Variants in TMEM184B observed in about 807,000 individuals in gnomAD.
The protein encoded by TMEM184B is putative MAPK-activating protein FM08.
In TMEM184B, 17 loss-of-function variants were observed where a neutral mutation model predicts 41.8. The observed-to-expected ratio is 0.41, with a 90% CI of 0.28 to 0.61. The LOEUF is 0.61. Among genes scored for constraint, TMEM184B ranks in the 20% least tolerant of loss-of-function variants. The probability of loss-of-function intolerance (pLI) is 0.34; values close to 1 mark genes in which losing one functional copy is unlikely to be tolerated. For synonymous variants in TMEM184B, 240 were observed against 229.5 expected (o/e 1.05, Z -0.41); for missense variants, 393 against 557.8 (o/e 0.70, Z 2.98).
chr22:38,267,417 T>C (rs1371545684), intron 1 of TMEM184B, among the ~76,000 whole-genome samples: 1 of 150,126 alleles, frequency 6.7e-6, no homozygotes. Context: ...CCAATCCTGT[T>C]CCAACCACCC....
chr22:38,230,662 C>A lies in TMEM184B; in HGVS notation c.525+7G>T. ...TCCTGAGCTAGGCAGCTGCTGGGGG[C>A]ACACACCTGTTTGCAGAACCTCAGA... is the stretch of plus-strand genomic sequence containing the variant. On this transcript the variant is annotated splice_region_variant and intron_variant, in intron 5 of 8. Transcript: ENST00000361906. 1 of 1,608,244 alleles carries A rather than the reference C, an allele frequency of 6.2e-7. No homozygotes were observed.
chr22:38,265,145 C>T (rs1319457611), intron 1 of TMEM184B, among the ~76,000 whole-genome samples: 1 of 152,162 alleles, frequency 6.6e-6, no homozygotes, highest in Admixed American at 6.5e-5. Context: ...GTCACGAGAC[C>T]TCTGCTCCTT....
At chr22:38,247,679 T>G (rs2092065957) in intron 2 of TMEM184B, 91 bp downstream of exon 2, 2 of 1,457,546 alleles carry the variant, frequency 1.4e-6, no homozygotes, top group East Asian at 2.4e-5. Flanking sequence ...ACTACTGCAG[T>G]GCAGCCTGGC....
chr22:38,227,340 G>A (rs573078503), intron 5 of TMEM184B, among the ~76,000 whole-genome samples: 1 of 152,246 alleles, frequency 6.6e-6, no homozygotes, highest in South Asian at 2.1e-4. Context: ...CCAAGGCCCC[G>A]AGGCAGAGGG....
chr22:38,237,479 C>T (rs1265883861), intron 3 of TMEM184B, among the ~76,000 whole-genome samples: 1 of 152,270 alleles, frequency 6.6e-6, no homozygotes, highest in Non-Finnish European at 1.5e-5. Flanking sequence ...TGCACACCTT[C>T]AGCGCCTAAA....
rs2091862044 is a variant in TMEM184B, at chr22:38,239,734, C to G, written c.358+6201G>C. Among the ~76,000 whole-genome samples, 1 of 152,158 alleles carries G rather than the reference C, an allele frequency of 6.6e-6. No individual in the cohort carries two copies. The highest frequency in any genetic ancestry group is 1.5e-5 in the Non-Finnish European group (1 of 68,036). ...AAAATCCAAAGACTAAGCCTGAATA[C>G]GAAGGGCGAGAGGTCCTCTCAGATC... On this transcript the variant is annotated intron_variant, in intron 3 of 8. Coordinates refer to ENST00000361906, the MANE Select transcript of TMEM184B (RefSeq NM_012264.5). This position sits in a 1 kb window ranked among gnomAD's most constrained non-coding sequence, Gnocchi z 4.6.
Position 38,220,403 on chromosome 22 carries a change from G to A in TMEM184B, c.*1066C>T, listed in dbSNP as rs955978526. ...CTAAGGCACAGAAGAGATGGGCCAG[G>A]GGCCAGATGGGGTAGAACACCAGGC... is the stretch of plus-strand genomic sequence containing the variant. On this transcript the variant is annotated 3_prime_UTR_variant, in exon 9 of 9. Transcript: ENST00000361906. 1.0e-6 allele frequency: 1 copy of A among 985,882 alleles called. No homozygotes were observed. The highest frequency in any genetic ancestry group is 1.2e-6 in the Non-Finnish European group (1 of 830,046). The allele number at this position is 985,882 out of a possible 1,614,324, so 61.1% of individuals were successfully genotyped here.
At position 38,247,921 on chromosome 22, in the gene TMEM184B, G is replaced by A. The variant is rs751230696; in HGVS notation, c.41C>T (p.Ser14Leu). 23 of 1,600,144 alleles carry A rather than the reference G, an allele frequency of 1.4e-5. No homozygotes were observed. The Admixed American group carries it at 2.1e-4, about 14-fold the overall frequency. ...GGGCGAGGCTGCTGCGGTCGTGGGC[G>A]ACGCTGGATCCGGGGCCAGCACATC... ...RGDVLAPDPASPTTAAASPSV... is the reference protein window; with the variant it reads ...RGDVLAPDPALPTTAAASPSV... Residue 14 changes from serine to leucine, a missense_variant, in exon 2 of 9, where the codon TCG (serine) becomes TTG (leucine). Ser to Leu is a moderately radical substitution (Grantham distance 145, BLOSUM62 -2). Coordinates refer to ENST00000361906, the MANE Select transcript of TMEM184B (RefSeq NM_012264.5).
chr22:38,260,021 G>A (rs969220775), intron 1 of TMEM184B, among the ~76,000 whole-genome samples: 1 of 142,754 alleles, frequency 7.0e-6, no homozygotes, highest in Non-Finnish European at 1.5e-5. Flanking sequence ...TTGGCTCACT[G>A]CAACCTCCGC....
chr22:38,238,294 C>T (rs143899906), intron 3 of TMEM184B, among the ~76,000 whole-genome samples: 2,263 of 147,656 alleles, frequency 0.015, 66 homozygotes, highest in African/African-American at 0.053. Flanking sequence ...GGTGCGATCT[C>T]GGCTCACTGC....
At position 38,230,641 on chromosome 22, in the gene TMEM184B, GA is replaced by G. The variant is rs1309922289; in HGVS notation, c.525+27del. Reference sequence around the variant, plus strand: ...TCCCAGACCCCGCCCTGCTCCTCCTGAGCTAGGCAGCTGCTGGGGGCACACA... The same window carrying G: ...TCCCAGACCCCGCCCTGCTCCTCCTGGCTAGGCAGCTGCTGGGGGCACACA... On this transcript the variant is annotated intron_variant, in intron 5 of 8. Coordinates refer to ENST00000361906, the MANE Select transcript of TMEM184B (RefSeq NM_012264.5). 5 of 1,598,296 alleles carry G rather than the reference GA, an allele frequency of 3.1e-6. No individual in the cohort carries two copies. In the African/African-American group the frequency reaches 5.3e-5, roughly 17 times the overall value.
rs575423645 is a variant in TMEM184B, at chr22:38,226,956, C to T, written c.526-86G>A. The T allele has an allele frequency of 1.4e-4, 189 of 1,342,542 alleles. 4 individuals carry two copies. The African/African-American group carries it at 2.0e-3, about 14-fold the overall frequency. 83.2% of individuals were successfully genotyped at this position (1,342,542 alleles called of 1,614,324 possible). On this transcript the variant is annotated intron_variant, in intron 5 of 8. Coordinates refer to ENST00000361906, the MANE Select transcript of TMEM184B (RefSeq NM_012264.5). This position sits in a 1 kb window ranked among gnomAD's most constrained non-coding sequence, Gnocchi z 4.6. ...CTGCCTCTGGCAGACGGAACTGTAC[C>T]GGATGGAGGGACAGAGAGGATGAAG... is the stretch of plus-strand genomic sequence containing the variant.
At chr22:38,246,676 A>G (rs904293587) in intron 2 of TMEM184B, 8 of 614,636 alleles carry the variant, frequency 1.3e-5, no homozygotes, top group Admixed American at 4.7e-5. Flanking sequence ...TCTGGTAAAC[A>G]GAGGCAGCAC....
intron 1 of TMEM184B, among the ~76,000 whole-genome samples, chr22:38,271,503 C>T (rs539752237): frequency 3.3e-5 from 5 of 152,312 alleles, no homozygotes; most frequent in Non-Finnish European, 7.4e-5. Context: ...GCAGAAAAGC[C>T]TCAGATGAAC....
intron 1 of TMEM184B, among the ~76,000 whole-genome samples, chr22:38,263,717 G>T (rs1341842266): frequency 6.6e-6 from 1 of 152,194 alleles, no homozygotes; most frequent in Non-Finnish European, 1.5e-5. Flanking sequence ...CTGTAATTTT[G>T]GAAAATATTG....
Position 38,226,714 on chromosome 22 carries a change from T to A in TMEM184B, c.617+65A>T, listed in dbSNP as rs1602372964. On this transcript the variant is annotated intron_variant, in intron 6 of 8. Coordinates refer to ENST00000361906, the MANE Select transcript of TMEM184B (RefSeq NM_012264.5). The surrounding 1 kb of genome is among the most constrained non-coding windows in gnomAD (Gnocchi z 4.6). Reference sequence around the variant, plus strand: ...CGGCCACTCTGGCTGCCCCCTTCCCTGAGCCAAGGCACCAGCCTGCGCCAA... The same window carrying A: ...CGGCCACTCTGGCTGCCCCCTTCCCAGAGCCAAGGCACCAGCCTGCGCCAA... The A allele has an allele frequency of 6.6e-7, 1 of 1,506,566 alleles. No individual in the cohort carries two copies. Among genetic ancestry groups the A allele is most frequent in the African/African-American group, 1.4e-5 (1 of 72,346 alleles). The allele number at this position is 1,506,566 out of a possible 1,614,324, so 93.3% of individuals were successfully genotyped here.
intron 3 of TMEM184B, among the ~76,000 whole-genome samples, chr22:38,233,391 G>A (rs1343118814): frequency 1.3e-5 from 2 of 152,226 alleles, no homozygotes; most frequent in Admixed American, 6.5e-5. Context: ...TGGCTGTGAG[G>A]CGTGAGCATG....
chr22:38,241,883 C>CAAAAAAAAAA lies in TMEM184B; in HGVS notation c.358+4042_358+4051dup, dbSNP rs34060428. On this transcript the variant is annotated intron_variant, in intron 3 of 8. Transcript: ENST00000361906. ...TGGGTGACAGAGCGAGACTCCGTCT[C>CAAAAAAAAAA]AAAAAAAAAAAAAAAAAAAAAAAAG... Among the ~76,000 whole-genome samples, 116 of 32,602 alleles carry CAAAAAAAAAA rather than the reference C, an allele frequency of 3.6e-3. 7 individuals are homozygous for CAAAAAAAAAA. Among genetic ancestry groups the CAAAAAAAAAA allele is most frequent in the African/African-American group, 8.6e-3 (92 of 10,728 alleles). 21.4% of individuals were successfully genotyped at this position (32,602 alleles called of 152,430 possible). A position where few individuals can be genotyped will look rare whatever the true frequency, so the allele number is the denominator to read the frequency against.
Position 38,220,841 on chromosome 22 carries a change from C to T in TMEM184B, c.*628G>A. On this transcript the variant is annotated 3_prime_UTR_variant, in exon 9 of 9. Coordinates refer to ENST00000361906, the MANE Select transcript of TMEM184B (RefSeq NM_012264.5). ...GCCCCTGCTTCAACAGAAGCGGTGCCCAGGGGCCCTGAATGCCCTTCCTGG... is the reference window on the plus strand; with the variant it reads ...GCCCCTGCTTCAACAGAAGCGGTGCTCAGGGGCCCTGAATGCCCTTCCTGG... 1.0e-6 allele frequency: 1 copy of T among 986,148 alleles called. No homozygotes were observed. Among genetic ancestry groups the T allele is most frequent in the Non-Finnish European group, 1.2e-6 (1 of 830,160 alleles). The allele number at this position is 986,148 out of a possible 1,614,324, so 61.1% of individuals were successfully genotyped here.
Sources: allele counts gnomAD v4.1 joint callset (sites outside exome capture counted in the v4.1 genomes callset), GRCh38; gene constraint gnomAD v4.1.1; non-coding constraint Gnocchi (gnomAD v3.1); transcripts MANE v1.5; gene names NCBI Gene and HGNC (gene_info 2026-07-23, HGNC 2026-07-21).